CAMK4: variants seen among roughly 807,000 people sequenced by gnomAD.
CAMK4 encodes the protein calcium/calmodulin dependent protein kinase IV, also known as calcium/calmodulin-dependent protein kinase type IV.
In CAMK4, 22 loss-of-function variants were observed where a neutral mutation model predicts 44.9. The observed-to-expected ratio is 0.49, with a 90% confidence interval of 0.35 to 0.70. The LOEUF is 0.70. Among genes scored for constraint, CAMK4 ranks in the 30% least tolerant of loss-of-function variants. CAMK4 has a pLI of 0.01. For synonymous variants in CAMK4, 218 were observed against 215.4 expected (o/e 1.01, Z -0.11); for missense variants, 498 against 586.8 (o/e 0.85, Z 1.56).
At chr5:111,419,526 T>C (rs1752944057) in intron 5 of CAMK4, among the ~76,000 whole-genome samples, 1 of 152,248 alleles carries the variant, frequency 6.6e-6, no homozygotes, top group African/African-American at 2.4e-5. Context: ...CCCGTGCCTA[T>C]GTCCTGAATG....
At chr5:111,300,841 T>C (rs769681792) in intron 1 of CAMK4, among the ~76,000 whole-genome samples, 2 of 152,268 alleles carry the variant, frequency 1.3e-5, no homozygotes, top group Non-Finnish European at 2.9e-5. Context: ...AAACTGCATA[T>C]TTAAATTAGA....
Position 111,486,542 on chromosome 5 carries a change from C to CACACAAACACAT in CAMK4, c.*2076_*2077insACACAAACACAT, listed in dbSNP as rs139004418. The CACACAAACACAT allele has an allele frequency of 6.8e-6, 1 of 147,244 alleles. No individual in the cohort carries two copies. The highest frequency in any genetic ancestry group is 2.0e-4 in the East Asian group (1 of 4,994). The allele number at this position is 147,244 out of a possible 1,614,324, so 9.1% of individuals were successfully genotyped here. On this transcript the variant is annotated 3_prime_UTR_variant, in exon 11 of 11. Coordinates refer to ENST00000282356, the MANE Select transcript of CAMK4 (RefSeq NM_001744.6). ...ACACACACACACACACACACACACA[C>CACACAAACACAT]GTGTTGGAAGAGCAAAGAGAGGGAA...
chr5:111,428,732 A>G (rs980863542), intron 5 of CAMK4, among the ~76,000 whole-genome samples: 1 of 152,176 alleles, frequency 6.6e-6, no homozygotes, highest in Non-Finnish European at 1.5e-5. Context: ...TGGGATCTAG[A>G]AAATAGTCTT....
At chr5:111,336,189 G>A (rs1016893555) in intron 1 of CAMK4, among the ~76,000 whole-genome samples, 1 of 151,042 alleles carries the variant, frequency 6.6e-6, no homozygotes, top group Non-Finnish European at 1.5e-5. Flanking sequence ...GAGCAGTAAA[G>A]CTTTATTTTT....
At position 111,275,378 on chromosome 5, in the gene CAMK4, C is replaced by G. The variant is rs1191290168; in HGVS notation, c.161+50734C>G. ...GTTGATAGCACCTGTGATTTAAATT[C>G]TAAATTGTTACTGGAATTTAAAAAA... On this transcript the variant is annotated intron_variant, in intron 1 of 10. Coordinates refer to ENST00000282356, the MANE Select transcript of CAMK4 (RefSeq NM_001744.6). 2.6e-5 allele frequency among the ~76,000 whole-genome samples: 4 copies of G among 151,856 alleles called. No homozygotes were observed. The East Asian group carries it at 7.7e-4, about 29-fold the overall frequency.
At chr5:111,410,354 C>T (rs536206666) in intron 5 of CAMK4, among the ~76,000 whole-genome samples, 24 of 152,260 alleles carry the variant, frequency 1.6e-4, no homozygotes, top group South Asian at 4.1e-4. Flanking sequence ...GAGACTTATT[C>T]GCTACCACGA....
chr5:111,315,938 A>C (rs1195275214), intron 1 of CAMK4, among the ~76,000 whole-genome samples: 1 of 152,088 alleles, frequency 6.6e-6, no homozygotes, highest in Non-Finnish European at 1.5e-5. Flanking sequence ...GAGGGCACAA[A>C]AGAGTTTATC....
chr5:111,453,002 A>G (rs1050865555), intron 7 of CAMK4, among the ~76,000 whole-genome samples: 6 of 152,232 alleles, frequency 3.9e-5, no homozygotes, highest in African/African-American at 1.4e-4. Flanking sequence ...TAGAAATGTA[A>G]TTACTATTAT....
At chr5:111,391,024 T>G (rs914154535) in intron 4 of CAMK4, among the ~76,000 whole-genome samples, 5 of 152,188 alleles carry the variant, frequency 3.3e-5, no homozygotes, top group Non-Finnish European at 5.9e-5. Flanking sequence ...TGGGAGTGAT[T>G]TTTACCATCC....
Position 111,314,353 on chromosome 5 carries a change from C to T in CAMK4, c.162-29671C>T, listed in dbSNP as rs184387579. Among the ~76,000 whole-genome samples, 3 of 152,096 alleles carry T rather than the reference C, an allele frequency of 2.0e-5. 1 individual carries two copies. In the South Asian group the frequency reaches 6.2e-4, roughly 32 times the overall value. ...GGAAAGTCATGTTTTAATACAGTTC[C>T]AACATTTTTGCAATCATGGATCTGC... On this transcript the variant is annotated intron_variant, in intron 1 of 10. Transcript: ENST00000282356.
chr5:111,295,037 TA>T, intron 1 of CAMK4, among the ~76,000 whole-genome samples: 1 of 152,354 alleles, frequency 6.6e-6, no homozygotes, highest in African/African-American at 2.4e-5. Context: ...TATGTGACTT[TA>T]AAAGTCTTAC....
chr5:111,322,003 G>T (rs548029239), intron 1 of CAMK4, among the ~76,000 whole-genome samples: 18 of 152,142 alleles, frequency 1.2e-4, no homozygotes, highest in Admixed American at 9.8e-4. Context: ...TTAAGACTAT[G>T]GGGGAGGACT....
At chr5:111,415,893 G>T (rs1328956071) in intron 5 of CAMK4, among the ~76,000 whole-genome samples, 1 of 152,132 alleles carries the variant, frequency 6.6e-6, no homozygotes, top group Non-Finnish European at 1.5e-5. Context: ...CATTTACATT[G>T]TACTAGTTAT....
intron 5 of CAMK4, among the ~76,000 whole-genome samples, chr5:111,423,807 G>A (rs1232777734): frequency 1.3e-5 from 2 of 152,078 alleles, no homozygotes; most frequent in African/African-American, 4.8e-5. Flanking sequence ...TAACAATCTC[G>A]GTAATAGTCC....
intron 10 of CAMK4, among the ~76,000 whole-genome samples, chr5:111,483,533 T>TA (rs1755503371): frequency 1.3e-5 from 2 of 152,174 alleles, no homozygotes; most frequent in Non-Finnish European, 2.9e-5. Flanking sequence ...AGCCATTGCT[T>TA]ACGGTCTGAT....
At chr5:111,392,595 TTAAAA>T (rs1422448214) in intron 4 of CAMK4, among the ~76,000 whole-genome samples, 7 of 150,840 alleles carry the variant, frequency 4.6e-5, no homozygotes, top group African/African-American at 1.7e-4. Flanking sequence ...GGAAAAAAAA[TTAAAA>T]TTAAAGAGGA....
At chr5:111,373,362 C>G (rs2112819841) in intron 2 of CAMK4, among the ~76,000 whole-genome samples, 1 of 152,126 alleles carries the variant, frequency 6.6e-6, no homozygotes, top group African/African-American at 2.4e-5. Flanking sequence ...ATGGTGCGTG[C>G]TTTCTTTAAA....
chr5:111,475,927 A>G (rs1182461467), intron 8 of CAMK4, among the ~76,000 whole-genome samples: 1 of 152,212 alleles, frequency 6.6e-6, no homozygotes, highest in African/African-American at 2.4e-5. Context: ...GGAGACAGAC[A>G]CAGTAGAGTA....
chr5:111,256,547 C>T (rs1207250751), intron 1 of CAMK4, among the ~76,000 whole-genome samples: 1 of 152,056 alleles, frequency 6.6e-6, no homozygotes, highest in Non-Finnish European at 1.5e-5. Flanking sequence ...TCTTGTGAAT[C>T]TAGAATTATT....
Sources: allele counts gnomAD v4.1 joint callset (sites outside exome capture counted in the v4.1 genomes callset), GRCh38; gene constraint gnomAD v4.1.1; transcripts MANE v1.5; gene names NCBI Gene and HGNC (gene_info 2026-07-23, HGNC 2026-07-21).